Variants in SLC25A12 observed in about 807,000 individuals in gnomAD.
SLC25A12 encodes electrogenic aspartate/glutamate antiporter SLC25A12, mitochondrial.
A neutral mutation model predicts 83.3 loss-of-function variants in SLC25A12; 32 were observed. The ratio of observed to expected loss-of-function variants is 0.38; its 90% CI spans 0.29 to 0.52. The LOEUF (loss-of-function observed/expected upper bound fraction) is 0.52, where lower values mean the gene tolerates loss of function less well. SLC25A12 is among the 20% of genes least tolerant of loss of function. The pLI is 0.84. For synonymous variants in SLC25A12, 267 were observed against 291.1 expected, an observed-to-expected ratio of 0.92 and a Z score of 0.84; for missense variants, 611 against 835.6, an observed-to-expected ratio of 0.73 and a Z score of 3.31.
chr2:171,838,685 G>C (rs1684610938), intron 5 of SLC25A12, among the ~76,000 whole-genome samples: 1 of 152,150 alleles, frequency 6.6e-6, no homozygotes, highest in Non-Finnish European at 1.5e-5. Context: ...TAGTAGAATA[G>C]ATTGTCTGTT....
intron 2 of SLC25A12, among the ~76,000 whole-genome samples, chr2:171,869,177 G>C (rs1023965779): frequency 1.3e-5 from 2 of 152,186 alleles, no homozygotes; most frequent in Admixed American, 6.5e-5. Flanking sequence ...TGAAAGGAGA[G>C]GGGGAATGGG....
At chr2:171,876,019 T>G (rs1432757011) in intron 2 of SLC25A12, among the ~76,000 whole-genome samples, 1 of 152,064 alleles carries the variant, frequency 6.6e-6, no homozygotes, top group Admixed American at 6.6e-5. Context: ...TCAACATTCT[T>G]GACTTTAAAA....
chr2:171,832,628 C>G (rs766018681), intron 8 of SLC25A12, among the ~76,000 whole-genome samples: 4 of 152,108 alleles, frequency 2.6e-5, no homozygotes, highest in Non-Finnish European at 5.9e-5. Flanking sequence ...CAACTCATAC[C>G]CCTTTTGGTA....
At chr2:171,821,332 A>G (rs757028374) in intron 9 of SLC25A12, among the ~76,000 whole-genome samples, 1 of 152,048 alleles carries the variant, frequency 6.6e-6, no homozygotes, top group Admixed American at 6.6e-5. Context: ...TTTCTTGTAC[A>G]TATCTCTTAA....
chr2:171,815,787 A>G (rs943406644), intron 9 of SLC25A12, among the ~76,000 whole-genome samples: 5 of 152,162 alleles, frequency 3.3e-5, no homozygotes, highest in African/African-American at 1.2e-4. Flanking sequence ...GATCTAAGAT[A>G]ACTTGTCTAT....
At chr2:171,809,257 C>A (rs1339812521) in intron 13 of SLC25A12, among the ~76,000 whole-genome samples, 1 of 152,124 alleles carries the variant, frequency 6.6e-6, no homozygotes, top group African/African-American at 2.4e-5. Context: ...ATTTCTAGTT[C>A]TAGATCCTTG....
chr2:171,821,997 T>C (rs1478881973), intron 9 of SLC25A12, among the ~76,000 whole-genome samples: 2 of 152,250 alleles, frequency 1.3e-5, no homozygotes, highest in African/African-American at 4.8e-5. Context: ...TATGGGGTAG[T>C]GATTTTTTTT....
In SLC25A12 at chr2:171,835,230, T is replaced by C. The variant is rs74540230; in HGVS notation, c.613-365A>G. Among the ~76,000 whole-genome samples the C allele has an allele frequency of 3.8e-4, 58 of 152,362 alleles. 1 individual carries two copies. In the East Asian group the frequency reaches 0.011, roughly 28 times the overall value. ...GCTAGTCCTGGATAAACAAAATCAC[T>C]GTACAATCTATGGAACACTTTTTAA... On this transcript the variant is annotated intron_variant, in intron 6 of 17. Transcript: ENST00000422440.
chr2:171,867,020 C>T (rs369400327), intron 3 of SLC25A12, among the ~76,000 whole-genome samples: 10,069 of 146,828 alleles, frequency 0.069, 796 homozygotes, highest in East Asian at 0.51. Flanking sequence ...AGAGGCGCTC[C>T]TCACATCCCA....
intron 17 of SLC25A12, among the ~76,000 whole-genome samples, chr2:171,786,150 CGGATCATGAGGTCAGGA>C (rs1281853476): frequency 6.6e-6 from 1 of 151,124 alleles, no homozygotes; most frequent in African/African-American, 2.4e-5. Context: ...CCGAGGCAGG[CGGATCATGAGGTCAGGA>C]GATCAAGGCT....
At chr2:171,888,030 C>CTCA (rs566210572) in intron 2 of SLC25A12, among the ~76,000 whole-genome samples, 151 of 151,890 alleles carry the variant, frequency 9.9e-4, no homozygotes, top group Middle Eastern at 3.5e-3. Context: ...CACACCAATT[C>CTCA]TCATACAATT....
intron 10 of SLC25A12, among the ~76,000 whole-genome samples, chr2:171,814,785 C>T (rs1473316205): frequency 1.3e-5 from 2 of 152,116 alleles, no homozygotes; most frequent in Admixed American, 6.6e-5. Context: ...AGGATAATAG[C>T]GAATCTCAAT....
intron 12 of SLC25A12, 40 bp from the exon 13 acceptor site, chr2:171,809,726 C>T: frequency 6.9e-7 from 1 of 1,441,710 alleles, no homozygotes. Context: ...AAATTCCCAA[C>T]CATTTCTCTT....
intron 3 of SLC25A12, among the ~76,000 whole-genome samples, chr2:171,863,841 A>G (rs981503861): frequency 6.6e-6 from 1 of 152,218 alleles, no homozygotes; most frequent in Non-Finnish European, 1.5e-5. Flanking sequence ...AGATCCTATG[A>G]GTGAATGATC....
intron 2 of SLC25A12, among the ~76,000 whole-genome samples, chr2:171,878,717 C>G (rs941678376): frequency 6.6e-5 from 10 of 152,162 alleles, no homozygotes; most frequent in Admixed American, 2.6e-4. Flanking sequence ...TTCAGTAATT[C>G]AAATGACAAT....
At chr2:171,827,091 G>A (rs374846394) in intron 8 of SLC25A12, among the ~76,000 whole-genome samples, 95 of 152,302 alleles carry the variant, frequency 6.2e-4, no homozygotes, top group African/African-American at 2.3e-3. Context: ...ATAATGTGGA[G>A]TGCATGAATT....
rs148098728 is a variant in SLC25A12, at chr2:171,838,981, A to C, written c.466-1714T>G. ...AAATAAAATTAATGACTTAAAAATG[A>C]GAAGTTAAACACAGAAAAAAAGAAG... On this transcript the variant is annotated intron_variant, in intron 5 of 17. Transcript: ENST00000422440. 1.6e-4 allele frequency among the ~76,000 whole-genome samples: 24 copies of C among 152,340 alleles called. 1 individual carries two copies. The East Asian group carries it at 4.6e-3, about 29-fold the overall frequency.
intron 5 of SLC25A12, 95 bp downstream of exon 5, chr2:171,844,274 G>C (rs1684746113): frequency 7.4e-7 from 1 of 1,352,560 alleles, no homozygotes; most frequent in Middle Eastern, 1.9e-4. Context: ...AAATACCATG[G>C]AGAACTTCTA....
chr2:171,784,945 T>C lies in SLC25A12; in HGVS notation c.*329A>G. The C allele has an allele frequency of 6.4e-6, 2 of 312,496 alleles. No homozygotes were observed. The highest frequency in any genetic ancestry group is 1.2e-5 in the Non-Finnish European group (2 of 160,110). The allele number at this position is 312,496 out of a possible 1,614,324, so 19.4% of individuals were successfully genotyped here. A position where few individuals can be genotyped will look rare whatever the true frequency, so the allele number is the denominator to read the frequency against. On this transcript the variant is annotated 3_prime_UTR_variant, in exon 18 of 18. Transcript: ENST00000422440. ...TTTCTACAAATGTGATTTGTTGGGA[T>C]GAGGTGCCAAGATGTCTCTGTACAA...
Sources: allele counts gnomAD v4.1 joint callset (sites outside exome capture counted in the v4.1 genomes callset), GRCh38; gene constraint gnomAD v4.1.1; transcripts MANE v1.5; gene names NCBI Gene and HGNC (gene_info 2026-07-23, HGNC 2026-07-21).